Variants in SEMA3E observed in about 807,000 individuals in gnomAD.
SEMA3E encodes the protein semaphorin-3E.
Under a neutral mutation model 93.6 loss-of-function variants are expected in SEMA3E, and 49 were observed. The ratio of observed to expected loss-of-function variants is 0.52; its 90% CI spans 0.42 to 0.66. The LOEUF (loss-of-function observed/expected upper bound fraction) is 0.66, where lower values mean the gene tolerates loss of function less well. Ranked by LOEUF, SEMA3E falls within the 30% of genes least tolerant of loss-of-function variation. The pLI is 0.00. For synonymous variants in SEMA3E, 363 were observed against 330.7 expected (o/e 1.10, Z -1.06); for missense variants, 906 against 964.8 (o/e 0.94, Z 0.81).
intron 5 of SEMA3E, among the ~76,000 whole-genome samples, chr7:83,417,627 C>T (rs1281776530): frequency 6.6e-6 from 1 of 152,070 alleles, no homozygotes; most frequent in Non-Finnish European, 1.5e-5. Context: ...GTACCTATGT[C>T]AGTGTTGGGG....
chr7:83,446,229 T>C (rs1584253951), intron 4 of SEMA3E, among the ~76,000 whole-genome samples: 1 of 152,288 alleles, frequency 6.6e-6, no homozygotes, highest in East Asian at 1.9e-4. Flanking sequence ...CCCTCCAGAA[T>C]AGTAGCAACT....
intron 14 of SEMA3E, among the ~76,000 whole-genome samples, chr7:83,388,081 C>T (rs1160100206): frequency 2.0e-5 from 3 of 148,290 alleles, no homozygotes; most frequent in East Asian, 3.9e-4. Context: ...GAGGCCAAGA[C>T]GGGTGGATCA....
intron 1 of SEMA3E, among the ~76,000 whole-genome samples, chr7:83,605,656 C>G (rs1312059788): frequency 6.6e-6 from 1 of 152,106 alleles, no homozygotes; most frequent in Non-Finnish European, 1.5e-5. Context: ...TCTCGAACTC[C>G]TGACCTCAGG....
chr7:83,407,120 T>G lies in SEMA3E; in HGVS notation c.790A>C (p.Thr264Pro), dbSNP rs1401068046. The change falls in exon 7 of 17, where the codon ACC becomes CCC. Residue 264 changes from threonine to proline, a missense_variant. Physicochemically the swap from Thr to Pro is conservative, Grantham distance 38. Coordinates refer to ENST00000643230, the MANE Select transcript of SEMA3E (RefSeq NM_012431.3). ...EAENNAHAIY[T>P]RVGRLCVNDV... ...ACCACACAGAGTCGCCCGACCCTGG[T>G]GTAAATTGCGTGAGCATTGTTTTCT... 2 of 1,613,562 alleles carry G rather than the reference T, an allele frequency of 1.2e-6. No homozygotes were observed. Among genetic ancestry groups the G allele is most frequent in the Non-Finnish European group, 1.7e-6 (2 of 1,179,768 alleles).
chr7:83,486,960 C>A (rs192661494), intron 2 of SEMA3E, among the ~76,000 whole-genome samples: 173 of 152,226 alleles, frequency 1.1e-3, no homozygotes, highest in African/African-American at 4.1e-3. Context: ...TCCTTGACAT[C>A]CTGGCTAGAT....
intron 4 of SEMA3E, 99 bp downstream of exon 4, chr7:83,466,383 G>T (rs944635585): frequency 1.4e-6 from 2 of 1,412,986 alleles, no homozygotes; most frequent in African/African-American, 2.8e-5. Context: ...CATCGCAAAT[G>T]CTTTTATCTT....
Position 83,545,719 on chromosome 7 carries a change from C to T in SEMA3E, c.116-55445G>A, listed in dbSNP as rs994110359. Reference sequence around the variant, plus strand: ...AAAATTATATGTTAGCACCATTTTCCAGTAGTATACTGTATGGATGTATAT... The same window carrying T: ...AAAATTATATGTTAGCACCATTTTCTAGTAGTATACTGTATGGATGTATAT... On this transcript the variant is annotated intron_variant, in intron 1 of 16. Coordinates refer to ENST00000643230, the MANE Select transcript of SEMA3E (RefSeq NM_012431.3). 3.3e-5 allele frequency among the ~76,000 whole-genome samples: 5 copies of T among 149,626 alleles called. No individual in the cohort carries two copies. In the South Asian group the frequency reaches 1.1e-3, roughly 31 times the overall value.
chr7:83,581,053 TGA>T (rs1466626264), intron 1 of SEMA3E, among the ~76,000 whole-genome samples: 1 of 151,984 alleles, frequency 6.6e-6, no homozygotes. Flanking sequence ...ATGTCTACTT[TGA>T]AATGGGCTTA....
chr7:83,511,955 T>C (rs1790832138), intron 1 of SEMA3E, among the ~76,000 whole-genome samples: 1 of 152,134 alleles, frequency 6.6e-6, no homozygotes, highest in South Asian at 2.1e-4. Context: ...CATGTTCCAA[T>C]TGTTGCAACA....
chr7:83,618,264 C>T (rs574616188), intron 1 of SEMA3E, among the ~76,000 whole-genome samples: 263 of 152,134 alleles, frequency 1.7e-3, no homozygotes, highest in African/African-American at 6.1e-3. Flanking sequence ...AAGTAATTAA[C>T]CCAAAATCAC....
At chr7:83,471,629 G>T (rs552470695) in intron 2 of SEMA3E, among the ~76,000 whole-genome samples, 1 of 152,112 alleles carries the variant, frequency 6.6e-6, no homozygotes, top group Non-Finnish European at 1.5e-5. Flanking sequence ...TTAATTGCAA[G>T]CTATACTGAG....
chr7:83,637,011 G>A (rs1182031425), intron 1 of SEMA3E, among the ~76,000 whole-genome samples: 1 of 148,456 alleles, frequency 6.7e-6, no homozygotes, highest in East Asian at 2.0e-4. Context: ...TTGACTAAAA[G>A]CTATGTGTGA....
At chr7:83,500,096 A>G (rs1790566169) in intron 1 of SEMA3E, among the ~76,000 whole-genome samples, 1 of 152,220 alleles carries the variant, frequency 6.6e-6, no homozygotes, top group Non-Finnish European at 1.5e-5. Context: ...AGCCAAGAAT[A>G]TATATGAACT....
chr7:83,645,796 T>C (rs1355700244), intron 1 of SEMA3E, among the ~76,000 whole-genome samples: 2 of 151,832 alleles, frequency 1.3e-5, no homozygotes, highest in Non-Finnish European at 2.9e-5. Flanking sequence ...TTTCCAGCTC[T>C]AGTTAAGAAC....
intron 3 of SEMA3E, among the ~76,000 whole-genome samples, chr7:83,468,341 C>G (rs2249189): frequency 0.44 from 66,939 of 152,028 alleles, 16,196 homozygotes; most frequent in East Asian, 0.66. Context: ...TGCACTTCCT[C>G]TCTTGACACA....
intron 1 of SEMA3E, among the ~76,000 whole-genome samples, chr7:83,560,895 A>T (rs544844073): frequency 6.6e-6 from 1 of 152,148 alleles, no homozygotes; most frequent in Admixed American, 6.6e-5. Flanking sequence ...AGATTTTCAA[A>T]CATATGGATT....
At chr7:83,640,874 G>C (rs904289261) in intron 1 of SEMA3E, among the ~76,000 whole-genome samples, 2 of 151,700 alleles carry the variant, frequency 1.3e-5, no homozygotes, top group Admixed American at 1.3e-4. Flanking sequence ...AGGGAGGAGG[G>C]GGTATAGTGA....
chr7:83,561,087 C>A (rs1184453618), intron 1 of SEMA3E, among the ~76,000 whole-genome samples: 1 of 151,748 alleles, frequency 6.6e-6, no homozygotes, highest in Non-Finnish European at 1.5e-5. Context: ...TAAGAAAGTA[C>A]AAATGTTCTA....
chr7:83,507,768 T>C (rs1041272970), intron 1 of SEMA3E, among the ~76,000 whole-genome samples: 3 of 151,042 alleles, frequency 2.0e-5, no homozygotes, highest in African/African-American at 7.3e-5. Context: ...TGAGACCTCA[T>C]CTCATCTCTC....
Sources: allele counts gnomAD v4.1 joint callset (sites outside exome capture counted in the v4.1 genomes callset), GRCh38; gene constraint gnomAD v4.1.1; transcripts MANE v1.5; gene names NCBI Gene and HGNC (gene_info 2026-07-23, HGNC 2026-07-21).